Variants in TLK1 observed in about 807,000 individuals in gnomAD.
TLK1 encodes tousled like kinase 1, also known as serine/threonine-protein kinase tousled-like 1.
In TLK1, 24 loss-of-function variants were observed where a neutral mutation model predicts 105.3. The ratio of observed to expected loss-of-function variants is 0.23; its 90% CI spans 0.17 to 0.32. The LOEUF (loss-of-function observed/expected upper bound fraction) is 0.32. Ranked by LOEUF, TLK1 falls within the 10% of genes least tolerant of loss-of-function variation. The pLI is 1.00. For missense variants in TLK1, 558 were observed against 910.5 expected, an observed-to-expected ratio of 0.61 and a Z score of 4.98; for synonymous variants, 321 against 310.4, an observed-to-expected ratio of 1.03 and a Z score of -0.36.
intron 1 of TLK1, among the ~76,000 whole-genome samples, chr2:171,157,620 A>G (rs973245830): frequency 6.6e-6 from 1 of 152,250 alleles, no homozygotes; most frequent in African/African-American, 2.4e-5. Flanking sequence ...GATAATGGTA[A>G]TAAGGTAAAA....
intron 12 of TLK1, chr2:171,023,080 C>T (rs1029015239): frequency 4.2e-6 from 2 of 471,068 alleles, no homozygotes; most frequent in Non-Finnish European, 8.8e-6. Context: ...GTGCCAATAT[C>T]GGTCAGAGAA....
chr2:171,198,270 G>C (rs1004576917), intron 1 of TLK1, among the ~76,000 whole-genome samples: 1 of 152,192 alleles, frequency 6.6e-6, no homozygotes, highest in Non-Finnish European at 1.5e-5. Flanking sequence ...TATTTAATGT[G>C]TGATATAAAT....
intron 10 of TLK1, among the ~76,000 whole-genome samples, chr2:171,046,804 T>C (rs1190603508): frequency 6.6e-6 from 1 of 152,282 alleles, no homozygotes; most frequent in South Asian, 2.1e-4. Context: ...TTGAATGAAA[T>C]GAGATAAAAC....
intron 1 of TLK1, among the ~76,000 whole-genome samples, chr2:171,148,879 T>TAAAAA (rs745504391): frequency 2.0e-4 from 21 of 103,914 alleles, no homozygotes; most frequent in African/African-American, 7.6e-4. Flanking sequence ...GACTCTGTCT[T>TAAAAA]AAAAAAAAAA....
chr2:171,195,727 G>T (rs183936594), intron 1 of TLK1, among the ~76,000 whole-genome samples: 2 of 152,128 alleles, frequency 1.3e-5, no homozygotes, highest in Non-Finnish European at 2.9e-5. Context: ...ACATTTATAA[G>T]ATTTTCTGTT....
intron 1 of TLK1, among the ~76,000 whole-genome samples, chr2:171,209,030 G>A (rs1325360286): frequency 2.0e-5 from 3 of 152,150 alleles, no homozygotes; most frequent in Non-Finnish European, 4.4e-5. Context: ...CTACACAATT[G>A]TATATTTTCT....
At chr2:171,205,337 T>TC (rs1291309321) in intron 1 of TLK1, among the ~76,000 whole-genome samples, 14 of 136,432 alleles carry the variant, frequency 1.0e-4, no homozygotes, top group Non-Finnish European at 1.6e-4. Context: ...TTTTTTTTTT[T>TC]CCCCCAACAG....
chr2:171,194,577 G>C (rs1693223502), intron 1 of TLK1, among the ~76,000 whole-genome samples: 1 of 152,140 alleles, frequency 6.6e-6, no homozygotes. Flanking sequence ...CAGCACTTTG[G>C]GAGGCCGAGG....
chr2:171,221,795 T>C (rs544308745), intron 1 of TLK1, among the ~76,000 whole-genome samples: 76 of 152,306 alleles, frequency 5.0e-4, no homozygotes, highest in Non-Finnish European at 8.8e-4. Context: ...AAAAAAACAT[T>C]TCTGGGGTCT....
intron 1 of TLK1, among the ~76,000 whole-genome samples, chr2:171,145,768 AAAT>A (rs1249162017): frequency 6.6e-6 from 1 of 152,226 alleles, no homozygotes; most frequent in African/African-American, 2.4e-5. Context: ...CAGTTTCAGA[AAAT>A]AATGTGGATG....
At chr2:171,223,237 G>A (rs1359065969) in intron 1 of TLK1, among the ~76,000 whole-genome samples, 1 of 152,136 alleles carries the variant, frequency 6.6e-6, no homozygotes, top group Non-Finnish European at 1.5e-5. Context: ...GTTTGCCATA[G>A]TGATTGTACT....
chr2:171,109,872 G>T (rs902811785), intron 2 of TLK1, among the ~76,000 whole-genome samples: 1 of 152,148 alleles, frequency 6.6e-6, no homozygotes, highest in South Asian at 2.1e-4. Context: ...AAGGATGCCA[G>T]ATACAAAAGA....
At chr2:171,103,699 T>C (rs1276728036) in intron 2 of TLK1, among the ~76,000 whole-genome samples, 3 of 152,228 alleles carry the variant, frequency 2.0e-5, no homozygotes, top group Non-Finnish European at 2.9e-5. Context: ...CCTGGCTTTA[T>C]TGCTTCCATC....
At chr2:171,220,221 C>T (rs1349397394) in intron 1 of TLK1, among the ~76,000 whole-genome samples, 1 of 152,042 alleles carries the variant, frequency 6.6e-6, no homozygotes, top group African/African-American at 2.4e-5. Context: ...GGAATTAGGC[C>T]CTGCTATCTT....
At chr2:171,216,841 A>G (rs1263728473) in intron 1 of TLK1, among the ~76,000 whole-genome samples, 2 of 152,218 alleles carry the variant, frequency 1.3e-5, no homozygotes, top group Non-Finnish European at 2.9e-5. Flanking sequence ...GTTGCAAGAC[A>G]AGGCATGCCA....
At chr2:171,104,107 C>A (rs1689813067) in intron 2 of TLK1, among the ~76,000 whole-genome samples, 1 of 151,818 alleles carries the variant, frequency 6.6e-6, no homozygotes, top group South Asian at 2.1e-4. Context: ...GAAATGCCGT[C>A]TCTACTAAAA....
intron 2 of TLK1, among the ~76,000 whole-genome samples, chr2:171,111,505 A>C (rs28740798): frequency 0.26 from 38,586 of 150,848 alleles, 5,172 homozygotes; most frequent in Middle Eastern, 0.36. Context: ...GGACTGCTTG[A>C]GCCTGGGAGG....
chr2:171,152,603 T>A (rs1468198266), intron 1 of TLK1, among the ~76,000 whole-genome samples: 2 of 152,198 alleles, frequency 1.3e-5, no homozygotes, highest in African/African-American at 4.8e-5. Flanking sequence ...TTAGCTAGAC[T>A]GCACATCCTC....
In TLK1 at chr2:171,061,072, T is replaced by A. The variant is rs766733666; in HGVS notation, c.406+9A>T. On this transcript the variant is annotated intron_variant, in intron 4 of 20. Coordinates refer to ENST00000431350, the MANE Select transcript of TLK1 (RefSeq NM_012290.5). ...CACTAGGCTCTGAAGGAAGATGTTA[T>A]GTGCTTACCCTGACTACTTTCATTC... The A allele has an allele frequency of 1.2e-5, 19 of 1,612,616 alleles. No homozygotes were observed. Among genetic ancestry groups the A allele is most frequent in the Non-Finnish European group, 1.6e-5 (19 of 1,179,168 alleles).
Sources: allele counts gnomAD v4.1 joint callset (sites outside exome capture counted in the v4.1 genomes callset), GRCh38; gene constraint gnomAD v4.1.1; transcripts MANE v1.5; gene names NCBI Gene and HGNC (gene_info 2026-07-23, HGNC 2026-07-21).